VDR: variants seen among roughly 807,000 people sequenced by gnomAD.
VDR encodes the protein vitamin D3 receptor.
Under a neutral mutation model 39.7 loss-of-function variants are expected in VDR, and 19 were observed. That is an observed-to-expected ratio of 0.48 (90% CI 0.33 to 0.70). VDR has a LOEUF of 0.70. Among genes scored for constraint, VDR ranks in the 30% least tolerant of loss-of-function variants. The pLI, the probability that VDR is intolerant of heterozygous loss-of-function variation, is 0.02. For synonymous variants in VDR, 242 were observed against 215.8 expected, an observed-to-expected ratio of 1.12 and a Z score of -1.07; for missense variants, 442 against 570.5, an observed-to-expected ratio of 0.77 and a Z score of 2.29.
In VDR at chr12:47,879,016, C is replaced by G. The variant is rs121909790; in HGVS notation, c.98G>C (p.Gly33Ala). 6.2e-7 allele frequency: 1 copy of G among 1,614,220 alleles called. No individual in the cohort carries two copies. Among genetic ancestry groups the G allele is most frequent in the South Asian group, 1.1e-5 (1 of 91,086 alleles). ...ACAGGTCATAGCATTGAAGTGAAAGCCAGTGGCTCGGTCTCCACACACCCC... is the reference window on the plus strand; with the variant it reads ...ACAGGTCATAGCATTGAAGTGAAAGGCAGTGGCTCGGTCTCCACACACCCC... ...ICGVCGDRAT[G>A]FHFNAMTCEG... The change falls in exon 3 of 10, where the codon GGC (glycine) becomes GCC (alanine). Residue 33 changes from glycine (G) to alanine (A), a missense_variant. Transcript: ENST00000549336.
At chr12:47,869,316 C>G (rs543195327) in intron 3 of VDR, among the ~76,000 whole-genome samples, 3 of 151,378 alleles carry the variant, frequency 2.0e-5, no homozygotes, top group South Asian at 4.2e-4. Flanking sequence ...ACAGGCGGAT[C>G]GCGAGGTCAG....
At chr12:47,865,919 G>A (rs1254836177) in intron 3 of VDR, among the ~76,000 whole-genome samples, 3 of 150,646 alleles carry the variant, frequency 2.0e-5, no homozygotes, top group Non-Finnish European at 4.4e-5. Context: ...GTTTCACCGT[G>A]TTAGCCAGGA....
chr12:47,904,308 C>A (rs1162941296), intron 1 of VDR, among the ~76,000 whole-genome samples: 1 of 151,644 alleles, frequency 6.6e-6, no homozygotes, highest in African/African-American at 2.4e-5. Flanking sequence ...ACCCACAGAT[C>A]CAGGGCACCT....
chr12:47,887,349 G>T (rs1371044534), intron 1 of VDR, among the ~76,000 whole-genome samples: 2 of 133,160 alleles, frequency 1.5e-5, no homozygotes, highest in South Asian at 5.2e-4. Flanking sequence ...AAACAAAGGA[G>T]AAGAAAAGAA....
Position 47,857,622 on chromosome 12 carries a change from G to A in VDR, c.344C>T (p.Ala115Val), listed in dbSNP as rs267603484. The change falls in exon 5 of 10, where the codon GCC (alanine) becomes GTC (valine). Residue 115 changes from alanine to valine, a missense_variant. Ala to Val is a moderately conservative substitution (Grantham distance 64). Coordinates refer to ENST00000549336, the MANE Select transcript of VDR (RefSeq NM_000376.3). ...CTTGGGCCGCAGACTGTCCTTCAAG[G>A]CCTCCTCCTCCTTCCGCTTCAGGAT... Reference protein sequence around the residue: ...EMILKRKEEEALKDSLRPKLS... With the variant: ...EMILKRKEEEVLKDSLRPKLS... The A allele has an allele frequency of 1.9e-6, 3 of 1,614,174 alleles. No homozygotes were observed. The highest frequency in any genetic ancestry group is 1.1e-5 in the South Asian group (1 of 91,080).
chr12:47,871,458 C>G (rs570876589), intron 3 of VDR, among the ~76,000 whole-genome samples: 1 of 131,988 alleles, frequency 7.6e-6, no homozygotes, highest in East Asian at 2.0e-4. Context: ...TCTTTTCTCT[C>G]TTTCTTTCTT....
intron 7 of VDR, among the ~76,000 whole-genome samples, chr12:47,851,848 A>G (rs1945394810): frequency 6.6e-6 from 1 of 152,260 alleles, no homozygotes; most frequent in Non-Finnish European, 1.5e-5. Context: ...GTTCAGGATC[A>G]GTTTAACCCA....
intron 1 of VDR, among the ~76,000 whole-genome samples, chr12:47,890,358 T>A (rs1048641173): frequency 2.1e-5 from 3 of 142,102 alleles, no homozygotes; most frequent in East Asian, 2.0e-4. Context: ...TTATATATAT[T>A]ATGTATGTAA....
chr12:47,891,783 A>G (rs1389150125), intron 1 of VDR, among the ~76,000 whole-genome samples: 1 of 151,830 alleles, frequency 6.6e-6, no homozygotes, highest in Non-Finnish European at 1.5e-5. Flanking sequence ...CTCCCCCATC[A>G]TCAAGTGCTG....
intron 3 of VDR, 143 bp from the exon 4 acceptor site, chr12:47,865,320 T>A: frequency 7.9e-7 from 1 of 1,259,350 alleles, no homozygotes; most frequent in Non-Finnish European, 1.1e-6. Flanking sequence ...CCAGTCACTC[T>A]CACCTCTAGG....
chr12:47,891,527 T>TA (rs941667878), intron 1 of VDR, among the ~76,000 whole-genome samples: 7 of 147,214 alleles, frequency 4.8e-5, no homozygotes, highest in African/African-American at 1.6e-4. Flanking sequence ...TTTGCTGAGC[T>TA]GGGAAAAAAA....
rs575250682 is a variant in VDR at position 47,888,422 on chromosome 12, G to A, written c.-83-5648C>T. Among the ~76,000 whole-genome samples the A allele has an allele frequency of 2.6e-5, 4 of 152,200 alleles. 1 individual carries two copies. The highest frequency in any genetic ancestry group is 4.8e-5 in the African/African-American group (2 of 41,448). ...GAACTCCAGCAGCTTCTTGGAGCGTGGCAGGACTCAGAGTGGGGAGCCCAT... is the reference window on the plus strand; with the variant it reads ...GAACTCCAGCAGCTTCTTGGAGCGTAGCAGGACTCAGAGTGGGGAGCCCAT... On this transcript the variant is annotated intron_variant, in intron 1 of 9. Coordinates refer to ENST00000549336, the MANE Select transcript of VDR (RefSeq NM_000376.3).
At chr12:47,876,692 A>G (rs942247240) in intron 3 of VDR, among the ~76,000 whole-genome samples, 1 of 152,258 alleles carries the variant, frequency 6.6e-6, no homozygotes, top group Non-Finnish European at 1.5e-5. Context: ...ATCCTTGTTC[A>G]TTCTGCCATC....
intron 3 of VDR, among the ~76,000 whole-genome samples, chr12:47,873,361 T>C (rs1366868841): frequency 4.2e-5 from 2 of 47,552 alleles, no homozygotes; most frequent in Admixed American, 2.8e-4. Flanking sequence ...CTTTTTTTTT[T>C]TTTTTTTTTT....
At position 47,844,667 on chromosome 12, in the gene VDR, T is replaced by G; in HGVS notation, c.*79A>C. 6.3e-7 allele frequency: 1 copy of G among 1,596,680 alleles called. No individual in the cohort carries two copies. Among genetic ancestry groups the G allele is most frequent in the Non-Finnish European group, 8.5e-7 (1 of 1,170,446 alleles). ...CCCCAGACGGGGTGAGGAGGGCTGCTGAGTAGCCGCCAGCCCCGGGCCTGG... is the reference window on the plus strand; with the variant it reads ...CCCCAGACGGGGTGAGGAGGGCTGCGGAGTAGCCGCCAGCCCCGGGCCTGG... On this transcript the variant is annotated 3_prime_UTR_variant, in exon 10 of 10. Coordinates refer to ENST00000549336, the MANE Select transcript of VDR (RefSeq NM_000376.3).
Position 47,859,965 on chromosome 12 carries a change from TTCTTTC to T in VDR, c.278-2283_278-2278del, listed in dbSNP as rs1221147943. Among the ~76,000 whole-genome samples the T allele has an allele frequency of 7.0e-4, 101 of 144,452 alleles. 1 individual carries two copies. The highest frequency in any genetic ancestry group is 2.7e-3 in the African/African-American group (100 of 37,190). The allele number at this position is 144,452 out of a possible 152,430, so 94.8% of individuals were successfully genotyped here. A position where few individuals can be genotyped will look rare whatever the true frequency, so the allele number is the denominator to read the frequency against. ...TTTCTTTCTTTCTTTCTTTCTTTCT[TTCTTTC>T]TTTCTTTCTTTCACAGACTCTCGCT... On this transcript the variant is annotated intron_variant, in intron 4 of 9. Transcript: ENST00000549336.
intron 4 of VDR, 94 bp downstream of exon 4, chr12:47,864,953 G>A (rs114613564): frequency 6.3e-6 from 10 of 1,589,340 alleles, no homozygotes; most frequent in Non-Finnish European, 8.6e-6. Flanking sequence ...AGGAAGGGCA[G>A]GCAGACCCTC....
At chr12:47,861,607 T>C (rs554080654) in intron 4 of VDR, among the ~76,000 whole-genome samples, 2 of 152,366 alleles carry the variant, frequency 1.3e-5, no homozygotes, top group Middle Eastern at 3.4e-3. Context: ...CTATATGATA[T>C]ATGAAGCCAT....
intron 4 of VDR, among the ~76,000 whole-genome samples, chr12:47,859,048 A>G (rs1945553975): frequency 6.6e-6 from 1 of 152,190 alleles, no homozygotes; most frequent in African/African-American, 2.4e-5. Flanking sequence ...CTCTCCTCCC[A>G]CAGTGGGTGT....
Sources: allele counts gnomAD v4.1 joint callset (sites outside exome capture counted in the v4.1 genomes callset), GRCh38; gene constraint gnomAD v4.1.1; transcripts MANE v1.5; gene names NCBI Gene and HGNC (gene_info 2026-07-23, HGNC 2026-07-21).